PBRM1: variants seen among roughly 807,000 people sequenced by gnomAD.
PBRM1 encodes the protein protein polybromo-1.
Under a neutral mutation model 194.5 loss-of-function variants are expected in PBRM1, and 27 were observed. The observed-to-expected ratio is 0.14, with a 90% confidence interval of 0.10 to 0.19. The LOEUF is 0.19. Ranked by LOEUF, PBRM1 falls within the 10% of genes least tolerant of loss-of-function variation. PBRM1 has a pLI of 1.00. For synonymous variants in PBRM1, 655 were observed against 693.2 expected (o/e 0.94, Z 0.87); for missense variants, 1,466 against 2,077.2 (o/e 0.71, Z 5.72).
intron 17 of PBRM1, among the ~76,000 whole-genome samples, chr3:52,592,897 T>C (rs2093228388): frequency 6.6e-6 from 1 of 152,240 alleles, no homozygotes. Flanking sequence ...AGGGTGTATG[T>C]GTTCAGGAAT....
exon 15 of PBRM1, chr3:52,615,405 C>G: frequency 6.2e-7 from 1 of 1,613,168 alleles, no homozygotes; most frequent in Non-Finnish European, 8.5e-7. Context: ...GGGCCCAGCT[C>G]TTTCCTTTTC....
At chr3:52,581,785 G>A (rs1353408379) in intron 20 of PBRM1, among the ~76,000 whole-genome samples, 1 of 151,880 alleles carries the variant, frequency 6.6e-6, no homozygotes, top group African/African-American at 2.4e-5. Context: ...TTACAGGCAC[G>A]TGCCACCACG....
At chr3:52,606,181 T>G (rs1335927952) in intron 16 of PBRM1, among the ~76,000 whole-genome samples, 2 of 151,918 alleles carry the variant, frequency 1.3e-5, no homozygotes, top group Non-Finnish European at 2.9e-5. Context: ...TAAATTTTAT[T>G]TTAAGTAGAG....
exon 20 of PBRM1, chr3:52,586,460 C>A: frequency 1.2e-6 from 2 of 1,614,020 alleles, no homozygotes; most frequent in Non-Finnish European, 1.7e-6. Context: ...GCTCGACTGT[C>A]CTCTGAGTTG....
chr3:52,609,423 G>T lies in PBRM1; in HGVS notation c.2457C>A (p.Pro819=). Residue 819 remains proline, a synonymous_variant, in exon 16 of 30, where the codon CCC becomes CCA. Coordinates refer to ENST00000296302, the Ensembl canonical transcript of PBRM1. The surrounding 1 kb of genome is among the most constrained non-coding windows in gnomAD (Gnocchi z 4.1). ...TCTTCCTAATTATGTCAAATGTAAG[G>T]GGTGGTTTGTTAGGAAAGTTGGGAT... The T allele has an allele frequency of 6.2e-7, 1 of 1,613,776 alleles. No individual in the cohort carries two copies. The highest frequency in any genetic ancestry group is 8.5e-7 in the Non-Finnish European group (1 of 1,179,704).
At chr3:52,648,420 T>C (rs1560759017) in exon 7 of PBRM1, 1 of 1,603,314 alleles carries the variant, frequency 6.2e-7, no homozygotes, top group African/African-American at 1.3e-5. Context: ...GGCCATTGCA[T>C]GAATACTTTT....
In PBRM1 at chr3:52,674,479, C is replaced by CA. The variant is rs34865590; in HGVS notation, c.236+4020dup. 7.7e-3 allele frequency among the ~76,000 whole-genome samples: 469 copies of CA among 61,282 alleles called. 3 individuals carry two copies. The highest frequency in any genetic ancestry group is 0.019 in the South Asian group (41 of 2,144). The allele number at this position is 61,282 out of a possible 152,430, so 40.2% of individuals were successfully genotyped here. A position where few individuals can be genotyped will look rare whatever the true frequency, so the allele number is the denominator to read the frequency against. ...TCCAGCCTGGTGCGAAACTCCATCT[C>CA]AAAAAAAAAAAAAAAAAAGAGAGAG... On this transcript the variant is annotated intron_variant, in intron 2 of 29. Transcript: ENST00000296302.
intron 10 of PBRM1, among the ~76,000 whole-genome samples, chr3:52,640,400 A>G (rs1157869201): frequency 6.6e-6 from 1 of 151,128 alleles, no homozygotes; most frequent in Non-Finnish European, 1.5e-5. Flanking sequence ...CCTCCCAAGT[A>G]GCTGGGAATA....
Position 52,675,897 on chromosome 3 carries a change from CGAGGTCAGGAGATCGAGACCATCCCGG to C in PBRM1, c.236+2576_236+2602del, listed in dbSNP as rs1164506303. Among the ~76,000 whole-genome samples the C allele has an allele frequency of 4.3e-5, 2 of 46,630 alleles. 1 individual carries two copies. Among genetic ancestry groups the C allele is most frequent in the Non-Finnish European group, 8.6e-5 (2 of 23,224 alleles). The allele number at this position is 46,630 out of a possible 152,430, so 30.6% of individuals were successfully genotyped here. On this transcript the variant is annotated intron_variant, in intron 2 of 29. Coordinates refer to ENST00000296302, the Ensembl canonical transcript of PBRM1. The stretch of plus-strand genomic sequence containing the variant: ...TTGGGAGGCCGAGGCGGGCGGATCA[CGAGGTCAGGAGATCGAGACCATCCCGG>C]CTAAAATGGTGAAACCCCGTCTCTA...
At chr3:52,563,548 C>T in intron 23 of PBRM1, 55 bp from the exon 26 acceptor site, 3 of 1,281,958 alleles carry the variant, frequency 2.3e-6, no homozygotes, top group Middle Eastern at 1.9e-4. Flanking sequence ...CCAGAATAAG[C>T]CGGAAAGCAG....
intron 11 of PBRM1, among the ~76,000 whole-genome samples, chr3:52,634,203 C>T (rs566501140): frequency 1.3e-5 from 2 of 152,092 alleles, no homozygotes; most frequent in South Asian, 4.2e-4. Context: ...CTTTGGGAGG[C>T]CGAGGTGGGC....
At chr3:52,569,238 T>C (rs1298781580) in intron 22 of PBRM1, among the ~76,000 whole-genome samples, 3 of 149,624 alleles carry the variant, frequency 2.0e-5, no homozygotes, top group African/African-American at 7.4e-5. Flanking sequence ...TTAGATGGAG[T>C]CTTGCTCTGT....
chr3:52,566,877 T>C (rs1463466757), intron 22 of PBRM1, among the ~76,000 whole-genome samples: 1 of 152,128 alleles, frequency 6.6e-6, no homozygotes, highest in Non-Finnish European at 1.5e-5. Context: ...GAGACCAGCC[T>C]GGCCAACATG....
At chr3:52,615,253 T>A (rs2094895177) in intron 15 of PBRM1, 98 bp downstream of exon 17, 1 of 692,298 alleles carries the variant, frequency 1.4e-6, no homozygotes, top group Non-Finnish European at 2.5e-6. Flanking sequence ...TACAGTGAGT[T>A]CAAATATATT....
intron 11 of PBRM1, among the ~76,000 whole-genome samples, chr3:52,632,696 T>C (rs1010793400): frequency 2.0e-5 from 3 of 151,638 alleles, no homozygotes; most frequent in Non-Finnish European, 4.4e-5. Flanking sequence ...CTTTTTTTTT[T>C]TTTTTTTTAA....
At position 52,586,520 on chromosome 3, in the gene PBRM1, C is replaced by T. The variant is rs201156614; in HGVS notation, c.3292G>A (p.Ala1098Thr). The change falls in exon 20 of 30, where the codon GCC (alanine) becomes ACC (threonine). Residue 1098 changes from alanine (A) to threonine (T), a missense_variant. Physicochemically the swap from Ala to Thr is moderately conservative, Grantham distance 58 (BLOSUM62 0). Transcript: ENST00000296302. ...TTATCTGCATTTGCAAATACAGAGG[C>T]CACGCGAACCACAGGCAGAGGCACA... 3 of 1,613,902 alleles carry T rather than the reference C, an allele frequency of 1.9e-6. No homozygotes were observed. In the South Asian group the frequency reaches 3.3e-5, roughly 18 times the overall value.
upstream of PBRM1, among the ~76,000 whole-genome samples, chr3:52,684,662 C>T (rs2097280684): frequency 6.6e-6 from 1 of 152,128 alleles, no homozygotes. Flanking sequence ...TCTTCCAAGT[C>T]AACATTCTTC....
At chr3:52,615,495 CT>C (rs1222496155) in intron 14 of PBRM1, 39 bp from the exon 17 acceptor site, 2 of 1,249,016 alleles carry the variant, frequency 1.6e-6, no homozygotes, top group African/African-American at 1.5e-5. Flanking sequence ...TTTCTAAAAA[CT>C]TTTCATTAAG....
At chr3:52,607,843 C>CTCTTT (rs2094426607) in intron 16 of PBRM1, among the ~76,000 whole-genome samples, 1 of 152,154 alleles carries the variant, frequency 6.6e-6, no homozygotes, top group African/African-American at 2.4e-5. Flanking sequence ...GCTGAAGAAC[C>CTCTTT]ATATTATTAA....
Sources: allele counts gnomAD v4.1 joint callset (sites outside exome capture counted in the v4.1 genomes callset), GRCh38; gene constraint gnomAD v4.1.1; non-coding constraint Gnocchi (gnomAD v3.1); transcripts MANE v1.5; gene names NCBI Gene and HGNC (gene_info 2026-07-23, HGNC 2026-07-21).